IMPG1: variants seen among roughly 807,000 people sequenced by gnomAD.
IMPG1 encodes the protein interphotoreceptor matrix proteoglycan 1.
Under a neutral mutation model 92.0 loss-of-function variants are expected in IMPG1, and 85 were observed. The ratio of observed to expected loss-of-function variants is 0.92; its 90% CI spans 0.78 to 1.11. IMPG1 has a LOEUF of 1.11. Among genes scored for constraint, IMPG1 ranks in the 50% least tolerant of loss-of-function variants. IMPG1 has a pLI of 0.00. For missense variants in IMPG1, 1,022 were observed against 956.0 expected, an observed-to-expected ratio of 1.07 and a Z score of -0.91; for synonymous variants, 367 against 334.1, an observed-to-expected ratio of 1.10 and a Z score of -1.08.
intron 12 of IMPG1, 123 bp from the exon 13 acceptor site, chr6:75,951,217 A>G (rs1782025799): frequency 2.8e-6 from 2 of 711,816 alleles, no homozygotes; most frequent in Non-Finnish European, 2.2e-6. Context: ...GATCATTTCA[A>G]TAGTCATTTT....
intron 4 of IMPG1, among the ~76,000 whole-genome samples, chr6:76,028,645 T>C (rs576441647): frequency 6.6e-6 from 1 of 152,178 alleles, no homozygotes; most frequent in East Asian, 1.9e-4. Context: ...CTGGCTAACA[T>C]GATGAAACCC....
chr6:76,026,142 C>T (rs145262988), intron 4 of IMPG1, among the ~76,000 whole-genome samples: 218 of 152,200 alleles, frequency 1.4e-3, no homozygotes, highest in Non-Finnish European at 2.3e-3. Context: ...AGGGACTCTG[C>T]GCTAGCAAGA....
rs1334187688 is a variant in IMPG1 at position 75,950,611 on chromosome 6, T to C, written c.1775A>G (p.Asn592Ser). ...ANMAFSNDLF[N>S]KSSLEYRALE... ...AGCTCGGTACTCCAGAGAGCTCTTG[T>C]TGAACAGGTCGTTGGAGAAGGCCAT... Residue 592 changes from asparagine (N) to serine (S), a missense_variant, in exon 13 of 17, where the codon AAC becomes AGC. Physicochemically the swap from Asn to Ser is conservative, Grantham distance 46. Transcript: ENST00000369950. 11 of 1,613,710 alleles carry C rather than the reference T, an allele frequency of 6.8e-6. No homozygotes were observed. The highest frequency in any genetic ancestry group is 9.3e-6 in the Non-Finnish European group (11 of 1,179,776).
chr6:76,043,620 T>C (rs984503237), intron 1 of IMPG1, among the ~76,000 whole-genome samples: 3 of 152,164 alleles, frequency 2.0e-5, no homozygotes, highest in Admixed American at 2.0e-4. Context: ...TCAGCAAATT[T>C]TGAAAATCCT....
chr6:75,930,972 C>T lies in IMPG1; in HGVS notation c.2224G>A (p.Gly742Arg). 6.2e-7 allele frequency: 1 copy of T among 1,614,200 alleles called. No homozygotes were observed. The highest frequency in any genetic ancestry group is 8.5e-7 in the Non-Finnish European group (1 of 1,180,024). The change falls in exon 15 of 17, where the codon GGA becomes AGA. Residue 742 changes from glycine (G) to arginine (R), a missense_variant. Around this residue, in one of 3 missense-constraint regions of IMPG1, gnomAD observed 332 missense variants for 346.2 expected, o/e 0.96. Coordinates refer to ENST00000369950, the MANE Select transcript of IMPG1 (RefSeq NM_001563.4). ...ACCCACCTGCATGGAGCTCCCTTTC[C>T]CTGGAGGACCTCGCATTCCTTTGTG... is the stretch of plus-strand genomic sequence containing the variant. ...PGTKECEVLQ[G>R]KGAPCRLPDH...
In IMPG1 at chr6:76,042,007, A is replaced by G. The variant is rs775656350; in HGVS notation, c.187T>C (p.Leu63=). 6.2e-7 allele frequency: 1 copy of G among 1,613,412 alleles called. No individual in the cohort carries two copies. The highest frequency in any genetic ancestry group is 2.2e-5 in the East Asian group (1 of 44,858). ...KMSTMRRIFD[L]AKHRTKRSAF... The stretch of plus-strand genomic sequence containing the variant: ...GATCTTTTTGTTCGATGCTTTGCCA[A>G]ATCGAATATTCGTCTCATAGTTGAC... The change falls in exon 2 of 17, where the codon TTG becomes CTG. Residue 63 remains leucine, a synonymous_variant. Transcript: ENST00000369950.
intron 4 of IMPG1, among the ~76,000 whole-genome samples, chr6:76,031,538 T>A (rs1783653487): frequency 6.6e-6 from 1 of 152,252 alleles, no homozygotes; most frequent in South Asian, 2.1e-4. Flanking sequence ...AAAATTTTGC[T>A]GCTATAGTGG....
Position 76,007,557 on chromosome 6 carries a change from T to C in IMPG1, c.867-57A>G. The C allele has an allele frequency of 5.1e-6, 6 of 1,182,924 alleles. No individual in the cohort carries two copies. The South Asian group carries it at 8.3e-5, about 16-fold the overall frequency. 73.3% of individuals were successfully genotyped at this position (1,182,924 alleles called of 1,614,324 possible). A position where few individuals can be genotyped will look rare whatever the true frequency, so the allele number is the denominator to read the frequency against. Reference sequence around the variant, plus strand: ...AAAAGAGAAAAAAATTTAATGACATTTATTGAGACATTCAATGAATTATTT... The same window carrying C: ...AAAAGAGAAAAAAATTTAATGACATCTATTGAGACATTCAATGAATTATTT... On this transcript the variant is annotated intron_variant, in intron 8 of 16. Transcript: ENST00000369950.
At chr6:76,027,077 A>T (rs1390233415) in intron 4 of IMPG1, among the ~76,000 whole-genome samples, 1 of 152,192 alleles carries the variant, frequency 6.6e-6, no homozygotes, top group Non-Finnish European at 1.5e-5. Flanking sequence ...CTTGGATCTA[A>T]TTTTTTTAAG....
intron 12 of IMPG1, among the ~76,000 whole-genome samples, chr6:75,985,765 A>G (rs577275760): frequency 1.3e-5 from 2 of 152,180 alleles, no homozygotes; most frequent in African/African-American, 4.8e-5. Context: ...GTTTGTGCTG[A>G]GCCATACTGA....
intron 14 of IMPG1, among the ~76,000 whole-genome samples, chr6:75,932,209 C>T (rs572151929): frequency 3.3e-5 from 5 of 152,336 alleles, no homozygotes; most frequent in South Asian, 4.1e-4. Flanking sequence ...GCCATCCCTT[C>T]GTGGAATGTG....
At chr6:76,003,672 T>C (rs1783040041) in intron 11 of IMPG1, among the ~76,000 whole-genome samples, 1 of 152,204 alleles carries the variant, frequency 6.6e-6, no homozygotes, top group African/African-American at 2.4e-5. Flanking sequence ...TTTGAGATAT[T>C]TAAAATGCAA....
chr6:76,051,109 TA>T (rs548367462), intron 1 of IMPG1, among the ~76,000 whole-genome samples: 29 of 148,510 alleles, frequency 2.0e-4, no homozygotes, highest in Non-Finnish European at 2.2e-4. Context: ...GACTGGAAGT[TA>T]AAAAAAAAAC....
intron 1 of IMPG1, among the ~76,000 whole-genome samples, chr6:76,044,207 T>C (rs1208854542): frequency 1.3e-5 from 2 of 152,240 alleles, no homozygotes; most frequent in Non-Finnish European, 2.9e-5. Flanking sequence ...TTACAGTTAG[T>C]AAAATGTGAA....
chr6:76,011,119 G>C, intron 8 of IMPG1, 47 bp downstream of exon 8: 1 of 1,025,190 alleles, frequency 9.8e-7, no homozygotes, highest in South Asian at 1.3e-5. Context: ...AAAAGGATAG[G>C]AAGAAAGTAA....
rs1782487422 is a variant in IMPG1 at position 75,974,379 on chromosome 6, CTTTCTTTCTTTCTTTTCT to C, written c.1292-23303_1292-23286del. 4.6e-3 allele frequency among the ~76,000 whole-genome samples: 403 copies of C among 87,344 alleles called. 5 individuals are homozygous for C. The highest frequency in any genetic ancestry group is 7.8e-3 in the Admixed American group (55 of 7,080). The allele number at this position is 87,344 out of a possible 152,430, so 57.3% of individuals were successfully genotyped here. A position where few individuals can be genotyped will look rare whatever the true frequency, so the allele number is the denominator to read the frequency against. ...TCTTTCTTTCTTTCTTTCTTTCTTT[CTTTCTTTCTTTCTTTTCT>C]TTCTTTCCTTCCTTCCTTCCTTCCT... On this transcript the variant is annotated intron_variant, in intron 12 of 16. Coordinates refer to ENST00000369950, the MANE Select transcript of IMPG1 (RefSeq NM_001563.4).
At chr6:75,988,139 T>C (rs1242628611) in intron 12 of IMPG1, among the ~76,000 whole-genome samples, 1 of 152,238 alleles carries the variant, frequency 6.6e-6, no homozygotes, top group Admixed American at 6.5e-5. Context: ...ATATACCTAC[T>C]AATGGGATGG....
Position 76,022,208 on chromosome 6 carries a change from C to T in IMPG1, c.574G>A (p.Val192Ile), listed in dbSNP as rs1272470491. 14 of 1,582,362 alleles carry T rather than the reference C, an allele frequency of 8.8e-6. No individual in the cohort carries two copies. Among genetic ancestry groups the T allele is most frequent in the African/African-American group, 4.1e-5 (3 of 73,862 alleles). The change falls in exon 6 of 17, where the codon GTC (valine) becomes ATC (isoleucine). Residue 192 changes from valine (V) to isoleucine (I), a missense_variant. Transcript: ENST00000369950. ...TIVISTDVAN[V>I]SLGPFPLTPD... ...GTGAGAGGGAAAGGCCCAAGTGAGACGTTGGCAACATCTGTGAAAATTTTA... is the reference window on the plus strand; with the variant it reads ...GTGAGAGGGAAAGGCCCAAGTGAGATGTTGGCAACATCTGTGAAAATTTTA...
At position 75,947,395 on chromosome 6, in the gene IMPG1, C is replaced by CGTGCACAGCCTTG; in HGVS notation, c.1950_1962dup (p.Gly655GlnfsTer30). On this transcript the variant is annotated frameshift_variant, in exon 14 of 17. Coordinates refer to ENST00000369950, the MANE Select transcript of IMPG1 (RefSeq NM_001563.4). LOFTEE classifies it high-confidence loss of function. The stretch of plus-strand genomic sequence containing the variant: ...GCAGAACGAAAATCCTCCAAGACCC[C>CGTGCACAGCCTTG]GTGCACAGCCTTGGTGAGGTTATAC... 1 of 1,613,908 alleles carries CGTGCACAGCCTTG rather than the reference C, an allele frequency of 6.2e-7. No homozygotes were observed. Among genetic ancestry groups the CGTGCACAGCCTTG allele is most frequent in the Non-Finnish European group, 8.5e-7 (1 of 1,179,854 alleles).
Sources: gnomAD v4.1 joint callset for allele counts (sites outside exome capture counted in the v4.1 genomes callset) on GRCh38, gnomAD v4.1.1 for gene constraint, gnomAD v4.1.1 regional missense constraint, MANE v1.5 for transcripts, NCBI Gene and HGNC (gene_info 2026-07-23, HGNC 2026-07-21) for gene names.